ZFHX3: variants seen among roughly 807,000 people sequenced by gnomAD.
The protein encoded by ZFHX3 is zinc finger homeobox protein 3.
ZFHX3 carries 42 observed loss-of-function variants against 279.1 expected under a neutral mutation model. The observed-to-expected ratio is 0.15, with a 90% CI of 0.12 to 0.19. ZFHX3 has a LOEUF of 0.19. Among genes scored for constraint, ZFHX3 ranks in the 10% least tolerant of loss-of-function variants. ZFHX3 has a pLI of 1.00. For missense variants in ZFHX3, 4,981 were observed against 4,754.0 expected (o/e 1.05, Z -1.40); for synonymous variants, 2,293 against 1,957.8 (o/e 1.17, Z -4.52).
intron 4 of ZFHX3, among the ~76,000 whole-genome samples, chr16:73,298,500 GTT>G (rs113148342): frequency 2.3e-4 from 31 of 133,922 alleles, no homozygotes; most frequent in African/African-American, 4.1e-4. Context: ...TGTTGTCGTC[GTT>G]TTTTTTTTTT....
chr16:73,817,968 C>A (rs1337059104), intron 1 of ZFHX3, among the ~76,000 whole-genome samples: 2 of 152,136 alleles, frequency 1.3e-5, no homozygotes, highest in Non-Finnish European at 2.9e-5. Flanking sequence ...CCAACAAAGC[C>A]AAGTGTACGA....
intron 1 of ZFHX3, among the ~76,000 whole-genome samples, chr16:73,047,268 G>A (rs1965332496): frequency 6.6e-6 from 1 of 151,992 alleles, no homozygotes; most frequent in Non-Finnish European, 1.5e-5. Flanking sequence ...TTCCAAGAGT[G>A]CGAAAAAACT....
chr16:73,441,443 G>GT (rs2018090664), intron 3 of ZFHX3, among the ~76,000 whole-genome samples: 2 of 152,016 alleles, frequency 1.3e-5, no homozygotes, highest in South Asian at 2.1e-4. Flanking sequence ...GTATCCTTTG[G>GT]TAAAAGAGCC....
intron 1 of ZFHX3, among the ~76,000 whole-genome samples, chr16:73,818,453 G>A (rs1179178375): frequency 7.9e-5 from 12 of 152,120 alleles, no homozygotes; most frequent in Admixed American, 7.9e-4. Flanking sequence ...ATATATGAGA[G>A]GTCCTGTCAT....
At chr16:73,724,154 T>C (rs2053498822) in intron 1 of ZFHX3, among the ~76,000 whole-genome samples, 1 of 152,246 alleles carries the variant, frequency 6.6e-6, no homozygotes, top group Non-Finnish European at 1.5e-5. Flanking sequence ...CTTTCTTTTA[T>C]GAAACAGGTT....
intron 2 of ZFHX3, among the ~76,000 whole-genome samples, chr16:73,602,627 C>T (rs1241828577): frequency 6.6e-6 from 1 of 152,142 alleles, no homozygotes; most frequent in Non-Finnish European, 1.5e-5. Context: ...GTTTCTTTCA[C>T]ACTTTATGGA....
intron 2 of ZFHX3, among the ~76,000 whole-genome samples, chr16:73,513,642 G>A (rs2019470703): frequency 6.6e-6 from 1 of 152,154 alleles, no homozygotes; most frequent in Admixed American, 6.5e-5. Context: ...AATTTGGAGT[G>A]AGGATAAAAC....
chr16:73,322,601 G>T (rs2015597987), intron 3 of ZFHX3, among the ~76,000 whole-genome samples: 1 of 152,184 alleles, frequency 6.6e-6, no homozygotes, highest in South Asian at 2.1e-4. Context: ...CTTGGGAAGT[G>T]TTTTTGTAGG....
rs11370099 is a variant in ZFHX3, at chr16:73,195,294, A to AT, written c.-1103-51464dup. On this transcript the variant is annotated intron_variant, in intron 5 of 17. Transcript: ENST00000641206. ...GGCTGATAACCCACAGGAAAAACTG[A>AT]TTTTTTCCGAAAAAATCAAATATCT... Among the ~76,000 whole-genome samples, 1,144 of 152,102 alleles carry AT rather than the reference A, an allele frequency of 7.5e-3. 13 individuals carry two copies. Among genetic ancestry groups the AT allele is most frequent in the African/African-American group, 0.026 (1,086 of 41,502 alleles).
At chr16:73,555,728 A>G (rs1013531300) in intron 2 of ZFHX3, among the ~76,000 whole-genome samples, 4 of 151,898 alleles carry the variant, frequency 2.6e-5, no homozygotes, top group African/African-American at 9.7e-5. Flanking sequence ...GCTACTGAGC[A>G]GGCTGAGGCA....
intron 3 of ZFHX3, among the ~76,000 whole-genome samples, chr16:73,318,514 G>C (rs1016492454): frequency 6.6e-6 from 1 of 151,676 alleles, no homozygotes; most frequent in African/African-American, 2.4e-5. Context: ...GACTGTTTTT[G>C]CTTTTTTTTT....
chr16:72,867,468 C>G (rs1180951465), intron 4 of ZFHX3, among the ~76,000 whole-genome samples: 2 of 152,112 alleles, frequency 1.3e-5, no homozygotes, highest in African/African-American at 4.8e-5. Context: ...TTTCAGAAGA[C>G]AAAACATACC....
chr16:73,171,165 C>A (rs117380788), intron 5 of ZFHX3, among the ~76,000 whole-genome samples: 5,855 of 151,958 alleles, frequency 0.039, 154 homozygotes, highest in Non-Finnish European at 0.058. Context: ...AGATTTCATC[C>A]CCCCAAAAAA....
chr16:73,623,059 C>T (rs563380950), intron 2 of ZFHX3, among the ~76,000 whole-genome samples: 30 of 149,882 alleles, frequency 2.0e-4, no homozygotes, highest in African/African-American at 7.1e-4. Context: ...TTTGTTTAGA[C>T]AGAGTCTGGC....
chr16:73,003,949 T>C (rs892247030), intron 1 of ZFHX3, among the ~76,000 whole-genome samples: 30 of 151,260 alleles, frequency 2.0e-4, no homozygotes, highest in Non-Finnish European at 4.1e-4. Flanking sequence ...ATTTGCTTTT[T>C]TTTTTTTTTC....
intron 4 of ZFHX3, among the ~76,000 whole-genome samples, chr16:72,841,380 T>C (rs1049058872): frequency 5.9e-5 from 9 of 152,208 alleles, no homozygotes; most frequent in Non-Finnish European, 2.9e-5. Flanking sequence ...TCAAGAGCTT[T>C]CCTCCATTAA....
chr16:73,582,129 GA>G (rs1479459929), intron 2 of ZFHX3, among the ~76,000 whole-genome samples: 1 of 151,890 alleles, frequency 6.6e-6, no homozygotes, highest in East Asian at 1.9e-4. Context: ...ACAATGGCTA[GA>G]AACTCTGGAA....
upstream of ZFHX3, among the ~76,000 whole-genome samples, chr16:73,060,075 G>A (rs1390040183): frequency 1.3e-5 from 2 of 152,066 alleles, no homozygotes; most frequent in African/African-American, 4.8e-5. Flanking sequence ...AACACAGGAA[G>A]CTATTTTGCC....
At chr16:73,112,888 C>T (rs1257594915) in intron 7 of ZFHX3, among the ~76,000 whole-genome samples, 1 of 152,026 alleles carries the variant, frequency 6.6e-6, no homozygotes, top group African/African-American at 2.4e-5. Context: ...AGGTGAGCGG[C>T]TGCACAGCCC....
Sources: allele counts gnomAD v4.1 joint callset (sites outside exome capture counted in the v4.1 genomes callset), GRCh38; gene constraint gnomAD v4.1.1; transcripts MANE v1.5; gene names NCBI Gene and HGNC (gene_info 2026-07-23, HGNC 2026-07-21).